The following VPS13B variants were observed in gnomAD, a reference collection of about 807,000 sequenced individuals.
VPS13B encodes intermembrane lipid transfer protein VPS13B.
VPS13B carries 285 observed loss-of-function variants against 426.4 expected under a neutral mutation model. That is an observed-to-expected ratio of 0.67 (90% CI 0.61 to 0.74). The LOEUF (loss-of-function observed/expected upper bound fraction) is 0.74. Among genes scored for constraint, VPS13B ranks in the 30% least tolerant of loss-of-function variants. The pLI is 0.00. For synonymous variants in VPS13B, 1,676 were observed against 1,676.4 expected (o/e 1.00, Z 0.01); for missense variants, 4,537 against 4,782.6 (o/e 0.95, Z 1.51).
chr8:99,418,515 C>G lies in VPS13B; in HGVS notation c.3083-13022C>G, dbSNP rs13266824. 3.2e-3 allele frequency among the ~76,000 whole-genome samples: 260 copies of G among 82,232 alleles called. 2 individuals carry two copies. Among genetic ancestry groups the G allele is most frequent in the African/African-American group, 0.012 (252 of 20,548 alleles). The allele number at this position is 82,232 out of a possible 152,430, so 53.9% of individuals were successfully genotyped here. ...TCTTTCTTTCTTTCTTTCTTTCTTT[C>G]CTTTCTTTCTTTCTCTTTCTTTTCT... On this transcript the variant is annotated intron_variant, in intron 21 of 61. Transcript: ENST00000357162.
At chr8:99,390,461 C>A (rs990463622) in intron 20 of VPS13B, among the ~76,000 whole-genome samples, 5 of 152,060 alleles carry the variant, frequency 3.3e-5, no homozygotes, top group Non-Finnish European at 7.4e-5. Context: ...ATAATATGCC[C>A]TTTTCCATGT....
chr8:99,202,953 G>A (rs1026901915), intron 17 of VPS13B, among the ~76,000 whole-genome samples: 1 of 151,764 alleles, frequency 6.6e-6, no homozygotes, highest in African/African-American at 2.4e-5. Flanking sequence ...AGAATGGCGC[G>A]AACCCAGGAG....
chr8:99,424,183 G>C (rs1816547415), intron 21 of VPS13B: 1 of 151,640 alleles, frequency 6.6e-6, no homozygotes, highest in Admixed American at 6.6e-5. Flanking sequence ...TGTCTCTTTT[G>C]ATCTTTGTTG....
chr8:99,014,363 C>T (rs1394390844), intron 2 of VPS13B, among the ~76,000 whole-genome samples: 1 of 151,748 alleles, frequency 6.6e-6, no homozygotes, highest in Non-Finnish European at 1.5e-5. Context: ...GGTGATCCGC[C>T]CGCCTCAGTC....
chr8:99,830,004 G>A (rs1041638603), intron 51 of VPS13B, among the ~76,000 whole-genome samples: 3 of 152,224 alleles, frequency 2.0e-5, no homozygotes, highest in Admixed American at 6.5e-5. Context: ...CCAGATGCCA[G>A]TTGGAGCTCT....
At chr8:99,482,584 C>T (rs989907542) in intron 25 of VPS13B, among the ~76,000 whole-genome samples, 1 of 152,002 alleles carries the variant, frequency 6.6e-6, no homozygotes, top group Non-Finnish European at 1.5e-5. Flanking sequence ...TATTTAGTAC[C>T]ACAAGTGGTA....
chr8:99,540,050 TA>T (rs1563785084), intron 30 of VPS13B, among the ~76,000 whole-genome samples: 5 of 5,558 alleles, frequency 9.0e-4, no homozygotes, highest in Non-Finnish European at 1.3e-3. Flanking sequence ...TATATATATA[TA>T]TATATATATA....
At chr8:99,843,816 TCA>T (rs1356665884) in intron 54 of VPS13B, among the ~76,000 whole-genome samples, 1 of 152,198 alleles carries the variant, frequency 6.6e-6, no homozygotes, top group Non-Finnish European at 1.5e-5. Flanking sequence ...TCTCACATAA[TCA>T]CAGTCTCTTT....
At chr8:99,066,488 T>C (rs984731202) in intron 3 of VPS13B, among the ~76,000 whole-genome samples, 1 of 152,190 alleles carries the variant, frequency 6.6e-6, no homozygotes, top group African/African-American at 2.4e-5. Flanking sequence ...TTACACCTTA[T>C]ACAAAAATTA....
intron 21 of VPS13B, among the ~76,000 whole-genome samples, chr8:99,429,199 G>T (rs1175797788): frequency 6.6e-6 from 1 of 151,426 alleles, no homozygotes; most frequent in African/African-American, 2.4e-5. Context: ...GTTAATGGGT[G>T]CAGCCCACCA....
chr8:99,852,079 A>C (rs567900704), intron 55 of VPS13B, among the ~76,000 whole-genome samples: 1 of 152,308 alleles, frequency 6.6e-6, no homozygotes, highest in East Asian at 1.9e-4. Context: ...TTCCTAATAC[A>C]TTGAGTAATG....
Position 99,613,470 on chromosome 8 carries a change from G to C in VPS13B, c.5221-28341G>C, listed in dbSNP as rs1827926531. On this transcript the variant is annotated intron_variant, in intron 33 of 61. Transcript: ENST00000357162. ...CCCTTACTTCATTCAGAAAGACTAT[G>C]AAAGAGCTGGCAAGAGCAGCGACTA... 2.0e-5 allele frequency among the ~76,000 whole-genome samples: 3 copies of C among 152,184 alleles called. No individual in the cohort carries two copies. The South Asian group carries it at 6.2e-4, about 31-fold the overall frequency.
intron 30 of VPS13B, among the ~76,000 whole-genome samples, chr8:99,541,757 G>C (rs1431724647): frequency 6.6e-6 from 1 of 152,114 alleles, no homozygotes; most frequent in Non-Finnish European, 1.5e-5. Context: ...TATTAAGAAT[G>C]CCCTAATGGT....
intron 3 of VPS13B, among the ~76,000 whole-genome samples, chr8:99,056,580 G>A (rs1045916640): frequency 2.6e-5 from 4 of 152,132 alleles, no homozygotes; most frequent in Non-Finnish European, 5.9e-5. Flanking sequence ...TGGTGAAAAT[G>A]GGCATCCTTG....
In VPS13B at chr8:99,713,954, ACATGGTGAAACCC is replaced by A. The variant is rs1278644315; in HGVS notation, c.6455-3213_6455-3201del. Among the ~76,000 whole-genome samples the A allele has an allele frequency of 7.9e-5, 12 of 152,320 alleles. No individual in the cohort carries two copies. The East Asian group carries it at 1.9e-3, about 24-fold the overall frequency. ...CAGGAATTTGAGACCAGCCTGGCCA[ACATGGTGAAACCC>A]CATCTCTACTAAAAAGACAAAAATT... On this transcript the variant is annotated intron_variant, in intron 36 of 61. Coordinates refer to ENST00000357162, the MANE Select transcript of VPS13B (RefSeq NM_152564.5).
chr8:99,594,343 G>A (rs531912771), intron 33 of VPS13B, among the ~76,000 whole-genome samples: 5 of 152,090 alleles, frequency 3.3e-5, no homozygotes, highest in African/African-American at 1.2e-4. Flanking sequence ...GCAAAATTGA[G>A]ATAATAATAG....
intron 34 of VPS13B, among the ~76,000 whole-genome samples, chr8:99,644,372 T>C (rs1306575419): frequency 6.6e-6 from 1 of 152,150 alleles, no homozygotes; most frequent in Non-Finnish European, 1.5e-5. Flanking sequence ...TGTTTATACA[T>C]TTTCATCTAA....
chr8:99,229,649 C>G (rs1189986328), intron 17 of VPS13B, among the ~76,000 whole-genome samples: 1 of 151,948 alleles, frequency 6.6e-6, no homozygotes, highest in Admixed American at 6.6e-5. Context: ...TATAAAGGAC[C>G]GTTACGGGCA....
chr8:99,149,298 T>C (rs1316816993), intron 14 of VPS13B, among the ~76,000 whole-genome samples: 1 of 152,270 alleles, frequency 6.6e-6, no homozygotes, highest in Non-Finnish European at 1.5e-5. Context: ...GTTTGACTTA[T>C]ACATACAAGG....
Sources: gnomAD v4.1 joint callset for allele counts (sites outside exome capture counted in the v4.1 genomes callset) on GRCh38, gnomAD v4.1.1 for gene constraint, MANE v1.5 for transcripts, NCBI Gene and HGNC (gene_info 2026-07-23, HGNC 2026-07-21) for gene names.